HPSE2: variants seen among roughly 807,000 people sequenced by gnomAD.
HPSE2 encodes the protein heparanase 2 (inactive).
A neutral mutation model predicts 60.5 loss-of-function variants in HPSE2; 38 were observed. That is an observed-to-expected ratio of 0.63 (90% confidence interval 0.48 to 0.82). The LOEUF (loss-of-function observed/expected upper bound fraction) is 0.82. Ranked by LOEUF, HPSE2 falls within the 40% of genes least tolerant of loss-of-function variation. The probability of loss-of-function intolerance (pLI) is 0.00; values close to 1 mark genes in which losing one functional copy is unlikely to be tolerated. For synonymous variants in HPSE2, 295 were observed against 293.2 expected, an observed-to-expected ratio of 1.01 and a Z score of -0.06; for missense variants, 713 against 740.4, an observed-to-expected ratio of 0.96 and a Z score of 0.43.
chr10:99,020,771 A>T (rs1258758025), intron 3 of HPSE2, among the ~76,000 whole-genome samples: 1 of 152,192 alleles, frequency 6.6e-6, no homozygotes, highest in East Asian at 1.9e-4. Context: ...CCCTACCCAC[A>T]GTGAAAAAGA....
chr10:98,656,124 T>C (rs1947056213), intron 6 of HPSE2, among the ~76,000 whole-genome samples: 1 of 152,004 alleles, frequency 6.6e-6, no homozygotes, highest in Non-Finnish European at 1.5e-5. Context: ...TCTTGCTCTG[T>C]TGCCCAGGCT....
At chr10:98,745,018 C>A (rs761651677) in intron 3 of HPSE2, among the ~76,000 whole-genome samples, 1 of 152,092 alleles carries the variant, frequency 6.6e-6, no homozygotes, top group African/African-American at 2.4e-5. Flanking sequence ...CTGGCTAACA[C>A]GGTGAAACCC....
At chr10:99,093,761 T>G (rs1843601520) in intron 3 of HPSE2, among the ~76,000 whole-genome samples, 1 of 152,184 alleles carries the variant, frequency 6.6e-6, no homozygotes. Context: ...GGGATTAAGT[T>G]TCCAACACAT....
intron 3 of HPSE2, among the ~76,000 whole-genome samples, chr10:99,135,958 T>C (rs539468476): frequency 1.3e-5 from 2 of 152,144 alleles, no homozygotes; most frequent in East Asian, 3.9e-4. Flanking sequence ...GGAGCTGTTT[T>C]TTGAAAACAT....
At chr10:99,221,999 A>G (rs1306013151) in intron 2 of HPSE2, among the ~76,000 whole-genome samples, 3 of 152,304 alleles carry the variant, frequency 2.0e-5, no homozygotes, top group Non-Finnish European at 2.9e-5. Flanking sequence ...GACGTGCTAC[A>G]GAACAGGTGT....
intron 3 of HPSE2, among the ~76,000 whole-genome samples, chr10:98,930,774 T>C (rs1472720571): frequency 6.9e-6 from 1 of 144,824 alleles, no homozygotes; most frequent in Non-Finnish European, 1.5e-5. Context: ...TGTCTTTTTT[T>C]GAGAAGTGTC....
At chr10:99,062,931 G>A (rs1160166810) in intron 3 of HPSE2, among the ~76,000 whole-genome samples, 2 of 152,142 alleles carry the variant, frequency 1.3e-5, no homozygotes, top group Non-Finnish European at 2.9e-5. Flanking sequence ...CAGTTAGTCT[G>A]AAAGAAAACA....
chr10:98,645,659 T>A (rs1042723785), intron 6 of HPSE2, among the ~76,000 whole-genome samples: 1 of 152,194 alleles, frequency 6.6e-6, no homozygotes, highest in Non-Finnish European at 1.5e-5. Flanking sequence ...GAATTCAGTA[T>A]CACTTTTAAG....
intron 2 of HPSE2, among the ~76,000 whole-genome samples, chr10:99,201,806 A>G (rs1848583822): frequency 6.6e-6 from 1 of 152,140 alleles, no homozygotes; most frequent in African/African-American, 2.4e-5. Flanking sequence ...ATATTCCTTC[A>G]TTTCCAAGAA....
At chr10:98,585,877 G>A (rs1002757270) in intron 9 of HPSE2, among the ~76,000 whole-genome samples, 2 of 150,022 alleles carry the variant, frequency 1.3e-5, no homozygotes, top group South Asian at 2.1e-4. Flanking sequence ...GCTTGAACCC[G>A]GGAGGCAGAG....
chr10:99,106,693 A>T (rs1844262413), intron 3 of HPSE2, among the ~76,000 whole-genome samples: 1 of 152,062 alleles, frequency 6.6e-6, no homozygotes, highest in Admixed American at 6.6e-5. Flanking sequence ...ACTGTGCTAA[A>T]CCTAAACATA....
chr10:98,585,036 A>AT (rs961054222), intron 9 of HPSE2, among the ~76,000 whole-genome samples: 2 of 152,296 alleles, frequency 1.3e-5, no homozygotes, highest in Non-Finnish European at 2.9e-5. Flanking sequence ...CTATTAGACT[A>AT]TAAGTTCTCT....
intron 3 of HPSE2, among the ~76,000 whole-genome samples, chr10:99,099,824 T>A (rs1002640464): frequency 1.3e-5 from 2 of 152,076 alleles, no homozygotes; most frequent in Non-Finnish European, 2.9e-5. Context: ...CAGCTACATT[T>A]CCTGTTCAGC....
intron 9 of HPSE2, among the ~76,000 whole-genome samples, chr10:98,611,965 TG>T (rs1945774340): frequency 6.6e-6 from 1 of 152,196 alleles, no homozygotes; most frequent in South Asian, 2.1e-4. Flanking sequence ...TTTTGTGCCA[TG>T]CTTTTAAAGA....
At chr10:98,525,394 C>A (rs548051446) in intron 9 of HPSE2, among the ~76,000 whole-genome samples, 1 of 152,360 alleles carries the variant, frequency 6.6e-6, no homozygotes, top group African/African-American at 2.4e-5. Context: ...ATCACAACAT[C>A]TCCTTCGTCT....
intron 5 of HPSE2, among the ~76,000 whole-genome samples, chr10:98,712,849 T>C (rs1289384346): frequency 1.3e-5 from 2 of 152,144 alleles, no homozygotes; most frequent in African/African-American, 4.8e-5. Flanking sequence ...TCTTCACTCA[T>C]TCAACAAACT....
rs117302718 is a variant in HPSE2, at chr10:98,902,844, T to C, written c.611-158788A>G. On this transcript the variant is annotated intron_variant, in intron 3 of 11. Transcript: ENST00000370552. ...AGGCACCAAAAATAAGACAGATTAA[T>C]GGGTGGATAGATGGATAGATAGGTG... Among the ~76,000 whole-genome samples the C allele has an allele frequency of 9.5e-3, 1,444 of 152,258 alleles. 15 individuals carry two copies. Among genetic ancestry groups the C allele is most frequent in the Non-Finnish European group, 0.014 (928 of 67,988 alleles).
intron 3 of HPSE2, among the ~76,000 whole-genome samples, chr10:99,107,444 A>C (rs1260826646): frequency 6.6e-6 from 1 of 152,088 alleles, no homozygotes; most frequent in Non-Finnish European, 1.5e-5. Context: ...TTTCCCATCT[A>C]ATTTGGAAAA....
chr10:99,139,162 C>T (rs531282138), intron 3 of HPSE2, among the ~76,000 whole-genome samples: 1 of 152,234 alleles, frequency 6.6e-6, no homozygotes, highest in East Asian at 1.9e-4. Context: ...GAGTCCATTA[C>T]TCTAAGTGCA....
Sources: gnomAD v4.1 joint callset for allele counts (sites outside exome capture counted in the v4.1 genomes callset) on GRCh38, gnomAD v4.1.1 for gene constraint, MANE v1.5 for transcripts, NCBI Gene and HGNC (gene_info 2026-07-23, HGNC 2026-07-21) for gene names.